Variants in FGF12 observed in about 807,000 individuals in gnomAD.
FGF12 encodes fibroblast growth factor 12.
FGF12 carries 14 observed loss-of-function variants against 23.6 expected under a neutral mutation model. The observed-to-expected ratio is 0.59, with a 90% CI of 0.39 to 0.93. The LOEUF is 0.93. FGF12 is among the 40% of genes least tolerant of loss of function. The pLI is 0.00. For missense variants in FGF12, 175 were observed against 217.8 expected (o/e 0.80, Z 1.24); for synonymous variants, 62 against 77.3 (o/e 0.80, Z 1.04).
chr3:192,321,295 G>C (rs1435619472), intron 4 of FGF12, among the ~76,000 whole-genome samples: 1 of 151,990 alleles, frequency 6.6e-6, no homozygotes, highest in African/African-American at 2.4e-5. Flanking sequence ...CAAGTAATGA[G>C]ATTGAAGCTG....
At chr3:192,342,737 A>G (rs1196434703) in intron 3 of FGF12, among the ~76,000 whole-genome samples, 2 of 151,982 alleles carry the variant, frequency 1.3e-5, no homozygotes, top group African/African-American at 4.8e-5. Flanking sequence ...TGATTGCACC[A>G]CTCCACTCCT....
intron 2 of FGF12, among the ~76,000 whole-genome samples, chr3:192,689,882 TAAGA>T (rs1403272741): frequency 1.3e-5 from 2 of 151,000 alleles, no homozygotes; most frequent in African/African-American, 4.9e-5. Flanking sequence ...AATTAAGAAC[TAAGA>T]AAGAACTTTA....
At chr3:192,401,391 G>A (rs1469543185) in intron 2 of FGF12, among the ~76,000 whole-genome samples, 2 of 152,168 alleles carry the variant, frequency 1.3e-5, no homozygotes, top group African/African-American at 4.8e-5. Flanking sequence ...AAATTCCACT[G>A]GACACTTGTG....
At chr3:192,151,227 G>A (rs1714036820) in intron 5 of FGF12, among the ~76,000 whole-genome samples, 1 of 113,864 alleles carries the variant, frequency 8.8e-6, no homozygotes, top group Non-Finnish European at 1.9e-5. Flanking sequence ...CTGAGACAAT[G>A]GGGTTTTCTA....
intron 2 of FGF12, among the ~76,000 whole-genome samples, chr3:192,582,670 T>C (rs1713204145): frequency 7.0e-6 from 1 of 143,516 alleles, no homozygotes; most frequent in Admixed American, 7.0e-5. Context: ...AGGAAATGCT[T>C]CCACAGCTAG....
intron 3 of FGF12, among the ~76,000 whole-genome samples, chr3:192,357,345 G>A (rs1348666997): frequency 3.5e-5 from 5 of 143,132 alleles, no homozygotes; most frequent in African/African-American, 1.2e-4. Flanking sequence ...AGCTGGGTGT[G>A]GTGGCATGTG....
In FGF12 at chr3:192,584,293, C is replaced by T. The variant is rs999742504; in HGVS notation, c.13+142888G>A. The stretch of plus-strand genomic sequence containing the variant: ...CATAGCCGTTTTCTTTGTTGTATGC[C>T]GATCTTCTTCGGCCTTGTAAATTTG... On this transcript the variant is annotated intron_variant, in intron 2 of 5. Transcript: ENST00000445105. Among the ~76,000 whole-genome samples, 12 of 138,494 alleles carry T rather than the reference C, an allele frequency of 8.7e-5. No individual in the cohort carries two copies. The South Asian group carries it at 2.3e-3, about 27-fold the overall frequency. The allele number at this position is 138,494 out of a possible 152,430, so 90.9% of individuals were successfully genotyped here.
intron 2 of FGF12, among the ~76,000 whole-genome samples, chr3:192,404,795 C>T (rs1436195762): frequency 6.6e-6 from 1 of 152,168 alleles, no homozygotes; most frequent in Non-Finnish European, 1.5e-5. Context: ...ACCCTAGCTG[C>T]CTATAGGTCT....
chr3:192,287,369 T>A (rs188129757), intron 4 of FGF12, among the ~76,000 whole-genome samples: 66 of 152,186 alleles, frequency 4.3e-4, no homozygotes, highest in Admixed American at 1.9e-3. Flanking sequence ...TTTCTTTGTA[T>A]CTTAATGATA....
chr3:192,392,393 C>A (rs1285049073), intron 2 of FGF12, among the ~76,000 whole-genome samples: 1 of 142,252 alleles, frequency 7.0e-6, no homozygotes, highest in African/African-American at 2.6e-5. Context: ...CATGGAGAAA[C>A]CCCGTCTCTA....
intron 2 of FGF12, among the ~76,000 whole-genome samples, chr3:192,378,321 G>A (rs1648384672): frequency 6.7e-6 from 1 of 149,566 alleles, no homozygotes; most frequent in South Asian, 2.1e-4. Flanking sequence ...ATGTTGCCCA[G>A]GCTGGTCTTG....
At chr3:192,227,580 T>TAAAAAAAAAAAAAAAA (rs778525112) in intron 4 of FGF12, among the ~76,000 whole-genome samples, 2 of 60,276 alleles carry the variant, frequency 3.3e-5, no homozygotes, top group African/African-American at 6.1e-5. Flanking sequence ...GAACTTAAAG[T>TAAAAAAAAAAAAAAAA]AAAAAAAAAA....
In FGF12 at chr3:192,141,813, T is replaced by TGTG. The variant is rs1713405951; in HGVS notation, c.*2195_*2196insCAC. 1 of 151,766 alleles carries TGTG rather than the reference T, an allele frequency of 6.6e-6. No individual in the cohort carries two copies. The highest frequency in any genetic ancestry group is 2.4e-5 in the African/African-American group (1 of 41,364). The allele number at this position is 151,766 out of a possible 1,614,324, so 9.4% of individuals were successfully genotyped here. ...CGTTTTACTGATGAGTGTGTATGTGTATCATCACTACAAAAGCTCAAGTCA... is the reference window on the plus strand; with the variant it reads ...CGTTTTACTGATGAGTGTGTATGTGTGTGATCATCACTACAAAAGCTCAAGTCA... On this transcript the variant is annotated 3_prime_UTR_variant, in exon 6 of 6. Transcript: ENST00000445105.
At chr3:192,618,647 T>C (rs1191461960) in intron 2 of FGF12, among the ~76,000 whole-genome samples, 1 of 152,146 alleles carries the variant, frequency 6.6e-6, no homozygotes, top group African/African-American at 2.4e-5. Flanking sequence ...TTAATTTCAG[T>C]CTCATTTGAA....
chr3:192,268,369 A>G (rs1421112252), intron 4 of FGF12, among the ~76,000 whole-genome samples: 4 of 152,188 alleles, frequency 2.6e-5, no homozygotes, highest in African/African-American at 9.7e-5. Context: ...ATGGAATAAG[A>G]GGTCATGTGG....
Position 192,659,071 on chromosome 3 carries a change from T to C in FGF12, c.13+68110A>G, listed in dbSNP as rs143008411. On this transcript the variant is annotated intron_variant, in intron 2 of 5. Transcript: ENST00000445105. ...GGCTTGAAAGTCATCCCAAAACTGA[T>C]GGTTTCAGCTGCTGATGCTAGATTT... 8.2e-3 allele frequency among the ~76,000 whole-genome samples: 1,251 copies of C among 152,242 alleles called. 21 individuals carry two copies. The highest frequency in any genetic ancestry group is 0.029 in the African/African-American group (1,218 of 41,526).
intron 2 of FGF12, among the ~76,000 whole-genome samples, chr3:192,530,318 A>T (rs1310679674): frequency 2.0e-5 from 3 of 152,166 alleles, no homozygotes; most frequent in Admixed American, 6.5e-5. Context: ...GTGAGTATTC[A>T]TACTTCCTTA....
intron 2 of FGF12, among the ~76,000 whole-genome samples, chr3:192,385,677 T>C (rs1720011460): frequency 6.6e-6 from 1 of 151,932 alleles, no homozygotes; most frequent in Non-Finnish European, 1.5e-5. Flanking sequence ...CCAAGCAACA[T>C]CCACCTCCGT....
chr3:192,471,975 A>C (rs1281659508), intron 2 of FGF12, among the ~76,000 whole-genome samples: 1 of 152,174 alleles, frequency 6.6e-6, no homozygotes, highest in Admixed American at 6.5e-5. Context: ...GATTAAAACA[A>C]AAAAAGCCTA....
Sources: gnomAD v4.1 joint callset for allele counts (sites outside exome capture counted in the v4.1 genomes callset) on GRCh38, gnomAD v4.1.1 for gene constraint, MANE v1.5 for transcripts, NCBI Gene and HGNC (gene_info 2026-07-23, HGNC 2026-07-21) for gene names.